Variants in ARHGEF10L observed in about 807,000 individuals in gnomAD.
ARHGEF10L encodes rho guanine nucleotide exchange factor 10-like protein.
In ARHGEF10L, 69 loss-of-function variants were observed where a neutral mutation model predicts 141.2. The ratio of observed to expected loss-of-function variants is 0.49; its 90% CI spans 0.40 to 0.60. The LOEUF is 0.60. Ranked by LOEUF, ARHGEF10L falls within the 20% of genes least tolerant of loss-of-function variation. ARHGEF10L has a pLI of 0.00. For missense variants in ARHGEF10L, 1,482 were observed against 1,734.3 expected (o/e 0.85, Z 2.58); for synonymous variants, 711 against 718.5 (o/e 0.99, Z 0.17).
At chr1:17,649,313 C>T (rs2061775459) in intron 22 of ARHGEF10L, among the ~76,000 whole-genome samples, 2 of 152,194 alleles carry the variant, frequency 1.3e-5, no homozygotes, top group South Asian at 4.1e-4. Flanking sequence ...GATGTTCAGC[C>T]TTCACGGGTT....
chr1:17,634,014 C>T (rs969630957), intron 16 of ARHGEF10L, among the ~76,000 whole-genome samples: 3 of 152,178 alleles, frequency 2.0e-5, no homozygotes, highest in Non-Finnish European at 4.4e-5. Context: ...CCAGCCCCTG[C>T]CTCCGGGAGC....
intron 26 of ARHGEF10L, among the ~76,000 whole-genome samples, chr1:17,669,619 G>A (rs2063193222): frequency 1.3e-5 from 2 of 152,190 alleles, no homozygotes; most frequent in African/African-American, 4.8e-5. Flanking sequence ...TCCTTGGGGT[G>A]CCTGGGCCCC....
At chr1:17,690,079 C>T (rs558257083) in intron 27 of ARHGEF10L, among the ~76,000 whole-genome samples, 23 of 152,220 alleles carry the variant, frequency 1.5e-4, no homozygotes, top group Non-Finnish European at 1.0e-4. Context: ...GGTCTGCTAT[C>T]GCAGTGCTGA....
chr1:17,607,664 A>G lies in ARHGEF10L; in HGVS notation c.434-138A>G. The G allele has an allele frequency of 1.3e-6, 1 of 793,772 alleles. No homozygotes were observed. 49.2% of individuals were successfully genotyped at this position (793,772 alleles called of 1,614,324 possible). On this transcript the variant is annotated intron_variant, in intron 6 of 28. Coordinates refer to ENST00000361221, the MANE Select transcript of ARHGEF10L (RefSeq NM_018125.4). The surrounding 1 kb of genome is among the most constrained non-coding windows in gnomAD (Gnocchi z 4.5). ...ATCTTCGTTTCATGGTTGAGGAGGT[A>G]GAGCTGGAGCCCCAGGGCCCCCATG...
intron 28 of ARHGEF10L, 119 bp downstream of exon 28, chr1:17,695,399 AG>A: frequency 7.3e-7 from 1 of 1,374,482 alleles, no homozygotes; most frequent in Non-Finnish European, 9.6e-7. Context: ...TCCAGTCTCC[AG>A]CTTCCTCTCA....
Position 17,637,794 on chromosome 1 carries a change from G to A in ARHGEF10L, c.1928-94G>A, listed in dbSNP as rs868010998. On this transcript the variant is annotated intron_variant, in intron 18 of 28. Transcript: ENST00000361221. ...GCTGGGATTACAGGCGTGAGCCACC[G>A]CGCCCAGCCTCTGGATCTTTTTTGT... The A allele has an allele frequency of 1.1e-4, 130 of 1,191,892 alleles. 1 individual carries two copies. Among genetic ancestry groups the A allele is most frequent in the African/African-American group, 9.4e-4 (61 of 64,982 alleles). 73.8% of individuals were successfully genotyped at this position (1,191,892 alleles called of 1,614,324 possible).
chr1:17,696,399 T>C (rs1476200775), intron 28 of ARHGEF10L, among the ~76,000 whole-genome samples: 2 of 151,976 alleles, frequency 1.3e-5, no homozygotes, highest in African/African-American at 2.4e-5. Context: ...CTGGGGGTCA[T>C]CATAGCTCGG....
At chr1:17,547,722 G>C (rs1009365157) in intron 1 of ARHGEF10L, among the ~76,000 whole-genome samples, 17 of 152,168 alleles carry the variant, frequency 1.1e-4, no homozygotes, top group Admixed American at 1.1e-3. Context: ...TTTACTTTAA[G>C]TTATACATGT....
chr1:17,581,010 A>G (rs11203423), intron 2 of ARHGEF10L, among the ~76,000 whole-genome samples: 97,650 of 151,856 alleles, frequency 0.64, 32,974 homozygotes, highest in South Asian at 0.76. Context: ...TAGTGAAAAA[A>G]AGAGAAAGTA....
upstream of ARHGEF10L, among the ~76,000 whole-genome samples, chr1:17,538,836 C>A (rs567143506): frequency 6.6e-6 from 1 of 152,094 alleles, no homozygotes; most frequent in African/African-American, 2.4e-5. Flanking sequence ...GCTGATAAGC[C>A]CGCGTGTGAA....
At chr1:17,540,452 G>C (rs949448855) in intron 1 of ARHGEF10L, among the ~76,000 whole-genome samples, 26 of 152,244 alleles carry the variant, frequency 1.7e-4, no homozygotes, top group African/African-American at 6.0e-4. Context: ...GACTGTGGGA[G>C]GAGAGGATGC....
chr1:17,571,380 G>A (rs1272742516), intron 1 of ARHGEF10L, among the ~76,000 whole-genome samples: 1 of 152,094 alleles, frequency 6.6e-6, no homozygotes, highest in Non-Finnish European at 1.5e-5. Flanking sequence ...ACTTGGTTGG[G>A]AATAGGTAGC....
At chr1:17,594,639 T>C (rs2079902557) in intron 4 of ARHGEF10L, among the ~76,000 whole-genome samples, 1 of 152,154 alleles carries the variant, frequency 6.6e-6, no homozygotes, top group Non-Finnish European at 1.5e-5. Context: ...CCCGCCACCA[T>C]GCCCGGCTAA....
rs1211843080 is a variant in ARHGEF10L, at chr1:17,687,597, G to A, written c.3034G>A (p.Glu1012Lys). The change falls in exon 27 of 29, where the codon GAG becomes AAG. Residue 1012 changes from glutamate to lysine, a missense_variant. Physicochemically the swap from Glu to Lys is moderately conservative, Grantham distance 56. Around this residue, in one of 3 missense-constraint regions of ARHGEF10L, gnomAD observed 858 missense variants for 966.3 expected, o/e 0.89. Coordinates refer to ENST00000361221, the MANE Select transcript of ARHGEF10L (RefSeq NM_018125.4). ...PQQSFEAHQD[E>K]AVSVTHMVKA... ...GCAAAGCTTCGAGGCGCACCAGGAC[G>A]AGGCAGTGAGCGTGACACACATGGT... The A allele has an allele frequency of 1.5e-5, 24 of 1,613,016 alleles. No individual in the cohort carries two copies. Among genetic ancestry groups the A allele is most frequent in the South Asian group, 7.7e-5 (7 of 91,084 alleles).
At chr1:17,583,102 G>T (rs533528388) in intron 2 of ARHGEF10L, among the ~76,000 whole-genome samples, 61 of 150,348 alleles carry the variant, frequency 4.1e-4, no homozygotes, top group African/African-American at 1.5e-3. Flanking sequence ...CTACCTGGGA[G>T]TCTGAAGTAG....
chr1:17,518,263 G>A, the ARHGEF10L span, among the ~76,000 whole-genome samples: 2 of 152,204 alleles, frequency 1.3e-5, no homozygotes, highest in South Asian at 2.1e-4. Context: ...GCAGAAAGTG[G>A]GGCTGGGCTT....
chr1:17,610,329 G>C (rs2059481280), intron 7 of ARHGEF10L, among the ~76,000 whole-genome samples: 1 of 152,202 alleles, frequency 6.6e-6, no homozygotes, highest in South Asian at 2.1e-4. Context: ...CCATGGCCTG[G>C]CCCTGGGACC....
At chr1:17,691,091 A>G in intron 27 of ARHGEF10L, 1 of 453,858 alleles carries the variant, frequency 2.2e-6, no homozygotes, top group South Asian at 1.6e-5. Context: ...TGCATTTTTT[A>G]ACCTAAACTC....
intron 1 of ARHGEF10L, among the ~76,000 whole-genome samples, chr1:17,572,246 TCCATTTTGGGAGC>T (rs546985719): frequency 6.6e-6 from 1 of 152,278 alleles, no homozygotes; most frequent in African/African-American, 2.4e-5. Flanking sequence ...TTGTACTGGG[TCCATTTTGGGAGC>T]CCGGGACGCC....
Sources: gnomAD v4.1 joint callset for allele counts (sites outside exome capture counted in the v4.1 genomes callset) on GRCh38, gnomAD v4.1.1 for gene constraint, gnomAD v4.1.1 regional missense constraint, Gnocchi (gnomAD v3.1) non-coding constraint, MANE v1.5 for transcripts, NCBI Gene and HGNC (gene_info 2026-07-23, HGNC 2026-07-21) for gene names.